The following NRXN1 variants were observed in gnomAD, a reference collection of about 807,000 sequenced individuals.
NRXN1 encodes neurexin-1.
Under a neutral mutation model 150.9 loss-of-function variants are expected in NRXN1, and 39 were observed. The observed-to-expected ratio is 0.26, with a 90% CI of 0.20 to 0.34. The LOEUF (loss-of-function observed/expected upper bound fraction) is 0.34. Among genes scored for constraint, NRXN1 ranks in the 10% least tolerant of loss-of-function variants. The pLI is 1.00. For synonymous variants in NRXN1, 924 were observed against 757.0 expected, an observed-to-expected ratio of 1.22 and a Z score of -3.62; for missense variants, 1,815 against 1,949.9, an observed-to-expected ratio of 0.93 and a Z score of 1.30.
chr2:51,021,304 A>G (rs1485920224), intron 2 of NRXN1, among the ~76,000 whole-genome samples: 1 of 151,998 alleles, frequency 6.6e-6, no homozygotes, highest in Non-Finnish European at 1.5e-5. Context: ...CCTAATTTTC[A>G]GTACATATTT....
chr2:50,846,066 A>G (rs1673604294), intron 5 of NRXN1, among the ~76,000 whole-genome samples: 1 of 152,186 alleles, frequency 6.6e-6, no homozygotes, highest in Admixed American at 6.5e-5. Flanking sequence ...GTGAGTTACT[A>G]GCTATAGGGA....
intron 15 of NRXN1, among the ~76,000 whole-genome samples, chr2:50,477,366 C>A (rs903495826): frequency 6.6e-6 from 1 of 152,246 alleles, no homozygotes; most frequent in African/African-American, 2.4e-5. Flanking sequence ...TTGCATTTAA[C>A]GTCATGTATG....
At chr2:50,649,463 A>G (rs79725983) in intron 5 of NRXN1, among the ~76,000 whole-genome samples, 25,189 of 151,900 alleles carry the variant, frequency 0.17, 2,147 homozygotes, top group South Asian at 0.21. Flanking sequence ...GGGAGGTGCA[A>G]ATGAGAAACC....
intron 17 of NRXN1, among the ~76,000 whole-genome samples, chr2:50,394,243 G>A (rs2081922718): frequency 6.6e-6 from 1 of 151,872 alleles, no homozygotes; most frequent in African/African-American, 2.4e-5. Flanking sequence ...TGCATCTCCA[G>A]CCACAACTCT....
intron 8 of NRXN1, among the ~76,000 whole-genome samples, chr2:50,568,839 T>G (rs1670241075): frequency 6.6e-6 from 1 of 152,164 alleles, no homozygotes; most frequent in Middle Eastern, 3.2e-3. Flanking sequence ...TATATCTGCA[T>G]TCCCATGTTT....
chr2:50,335,316 G>C (rs1459652798), intron 17 of NRXN1, among the ~76,000 whole-genome samples: 1 of 152,242 alleles, frequency 6.6e-6, no homozygotes, highest in South Asian at 2.1e-4. Flanking sequence ...ATTTGGCTAA[G>C]GTATACGCAT....
At chr2:50,273,747 T>C (rs1317066136) in intron 17 of NRXN1, among the ~76,000 whole-genome samples, 3 of 152,174 alleles carry the variant, frequency 2.0e-5, no homozygotes, top group Non-Finnish European at 4.4e-5. Context: ...GAGATTATTA[T>C]TTATGCAGCC....
Position 50,278,275 on chromosome 2 carries a change from T to TATAA in NRXN1, c.3365-41306_3365-41305insTTAT, listed in dbSNP as rs1477669720. On this transcript the variant is annotated intron_variant, in intron 17 of 22. Coordinates refer to ENST00000401669, the MANE Select transcript of NRXN1 (RefSeq NM_001330078.2). ...ATATATTATATATATTATATATGTA[T>TATAA]TATATATATAATACATATATAATAT... 3.4e-3 allele frequency among the ~76,000 whole-genome samples: 295 copies of TATAA among 87,662 alleles called. 3 individuals are homozygous for TATAA. The highest frequency in any genetic ancestry group is 0.013 in the African/African-American group (279 of 21,860). 57.5% of individuals were successfully genotyped at this position (87,662 alleles called of 152,430 possible). A position where few individuals can be genotyped will look rare whatever the true frequency, so the allele number is the denominator to read the frequency against.
intron 8 of NRXN1, among the ~76,000 whole-genome samples, chr2:50,582,231 G>A (rs980100794): frequency 9.9e-5 from 15 of 151,934 alleles, no homozygotes; most frequent in Non-Finnish European, 1.2e-4. Context: ...CTAAAAATAA[G>A]TAATAAAAAA....
rs561200924 is a variant in NRXN1, at chr2:50,088,600, T to G, written c.3718+2723A>C. Among the ~76,000 whole-genome samples, 14 of 152,328 alleles carry G rather than the reference T, an allele frequency of 9.2e-5. No homozygotes were observed. The East Asian group carries it at 2.5e-3, about 27-fold the overall frequency. ...TAAATGTTGAAAGTTGTATCTGAAA[T>G]AACTATATGTAAAGATTTGCTTCTT... On this transcript the variant is annotated intron_variant, in intron 19 of 22. Transcript: ENST00000401669.
chr2:50,414,823 T>C (rs1467406443), intron 17 of NRXN1, among the ~76,000 whole-genome samples: 3 of 152,158 alleles, frequency 2.0e-5, no homozygotes, highest in Non-Finnish European at 4.4e-5. Context: ...ATATGAACGT[T>C]CGTAATACCA....
rs1177486791 is a variant in NRXN1, at chr2:50,242,715, CAGG to C, written c.3365-5748_3365-5746del. 4.0e-5 allele frequency among the ~76,000 whole-genome samples: 6 copies of C among 151,330 alleles called. No individual in the cohort carries two copies. In the East Asian group the frequency reaches 1.2e-3, roughly 29 times the overall value. Reference sequence around the variant, plus strand: ...TGTAAGGGTGCAAAGACAAAGATGCCAGGAAAAGAAAAAGAAAATATGGACTAT... The same window carrying C: ...TGTAAGGGTGCAAAGACAAAGATGCCAAAAGAAAAAGAAAATATGGACTAT... On this transcript the variant is annotated intron_variant, in intron 17 of 22. Transcript: ENST00000401669.
chr2:50,212,269 T>C (rs1315580631), intron 18 of NRXN1, among the ~76,000 whole-genome samples: 4 of 147,396 alleles, frequency 2.7e-5, no homozygotes, highest in Admixed American at 6.9e-5. Context: ...AGCAGTTTCA[T>C]GGTAGTGAAA....
At chr2:50,559,222 G>T (rs187095352) in intron 8 of NRXN1, among the ~76,000 whole-genome samples, 3 of 152,222 alleles carry the variant, frequency 2.0e-5, no homozygotes, top group Admixed American at 6.5e-5. Flanking sequence ...AATACAACCA[G>T]GAACTAGCCA....
intron 8 of NRXN1, among the ~76,000 whole-genome samples, chr2:50,610,670 T>TATATAC (rs1343549016): frequency 8.0e-6 from 1 of 125,666 alleles, no homozygotes; most frequent in African/African-American, 3.0e-5. Context: ...TATATATATA[T>TATATAC]ATATATATCT....
At chr2:50,516,680 C>T (rs767006748) in intron 12 of NRXN1, among the ~76,000 whole-genome samples, 6 of 152,130 alleles carry the variant, frequency 3.9e-5, no homozygotes, top group African/African-American at 7.2e-5. Context: ...CTCTATTCCT[C>T]CTCAAGTGCT....
intron 17 of NRXN1, among the ~76,000 whole-genome samples, chr2:50,278,242 A>ATATATATATATAATATATAT (rs2070844516): frequency 1.7e-5 from 2 of 118,298 alleles, no homozygotes; most frequent in African/African-American, 6.9e-5. Context: ...TATATATATA[A>ATATATATATATAATATATAT]TATATATATA....
At chr2:50,733,559 A>G (rs1211253203) in intron 5 of NRXN1, among the ~76,000 whole-genome samples, 1 of 152,190 alleles carries the variant, frequency 6.6e-6, no homozygotes, top group African/African-American at 2.4e-5. Context: ...TTAGATACAT[A>G]ATACACTTGC....
At chr2:49,973,080 C>G (rs1415630049) in intron 21 of NRXN1, 1 of 152,168 alleles carries the variant, frequency 6.6e-6, no homozygotes, top group African/African-American at 2.4e-5. Context: ...GGGTATCAAA[C>G]AATTCCCCAA....
Sources: gnomAD v4.1 joint callset for allele counts (sites outside exome capture counted in the v4.1 genomes callset) on GRCh38, gnomAD v4.1.1 for gene constraint, MANE v1.5 for transcripts, NCBI Gene and HGNC (gene_info 2026-07-23, HGNC 2026-07-21) for gene names.